The following ADAT2 variants were observed in gnomAD, a reference collection of about 807,000 sequenced individuals.
ADAT2 encodes the protein adenosine deaminase tRNA specific 2, also known as tRNA-specific adenosine-34 deaminase catalytic subunit ADAT2.
A neutral mutation model predicts 25.9 loss-of-function variants in ADAT2; 26 were observed. The ratio of observed to expected loss-of-function variants is 1.00; its 90% CI spans 0.74 to 1.39. ADAT2 has a LOEUF of 1.39. ADAT2 is among the 40% of genes most tolerant of loss of function. The pLI is 0.00. For missense variants in ADAT2, 220 were observed against 244.8 expected, an observed-to-expected ratio of 0.90 and a Z score of 0.68; for synonymous variants, 76 against 86.8, an observed-to-expected ratio of 0.88 and a Z score of 0.69.
rs991651012 is a variant in ADAT2, at chr6:143,422,847, T to C, written c.*5616A>G. On this transcript the variant is annotated 3_prime_UTR_variant, in exon 6 of 6. Coordinates refer to ENST00000237283, the MANE Select transcript of ADAT2 (RefSeq NM_182503.3). This position sits in a 1 kb window ranked among gnomAD's most constrained non-coding sequence, Gnocchi z 4.3. ...TTAAACATGATGATCATAAATAAAATGTATTATTTATTCTAAACCCAAATA... is the reference window on the plus strand; with the variant it reads ...TTAAACATGATGATCATAAATAAAACGTATTATTTATTCTAAACCCAAATA... The C allele has an allele frequency of 3.3e-5, 5 of 152,228 alleles. No individual in the cohort carries two copies. Among genetic ancestry groups the C allele is most frequent in the South Asian group, 4.1e-4 (2 of 4,832 alleles). The allele number at this position is 152,228 out of a possible 1,614,324, so 9.4% of individuals were successfully genotyped here.
At chr6:143,435,344 C>G (rs999760688) in intron 2 of ADAT2, among the ~76,000 whole-genome samples, 4 of 152,050 alleles carry the variant, frequency 2.6e-5, no homozygotes, top group African/African-American at 9.7e-5. Context: ...TCACATACAG[C>G]TGGGAGAGGA....
At chr6:143,430,717 C>A (rs568966512) in intron 4 of ADAT2, among the ~76,000 whole-genome samples, 1 of 152,220 alleles carries the variant, frequency 6.6e-6, no homozygotes, top group South Asian at 2.1e-4. Flanking sequence ...AGGCGCCCGC[C>A]ACCATGCCCG....
At chr6:143,450,487 T>C in intron 1 of ADAT2, 76 bp downstream of exon 1, 1 of 1,486,180 alleles carries the variant, frequency 6.7e-7, no homozygotes, top group Non-Finnish European at 9.3e-7. Flanking sequence ...GAAAGAACGT[T>C]TGCTCAAATG....
At position 143,437,790 on chromosome 6, in the gene ADAT2, G is replaced by A. The variant is rs561727137; in HGVS notation, c.201+800C>T. Among the ~76,000 whole-genome samples the A allele has an allele frequency of 1.1e-3, 163 of 152,304 alleles. 1 individual carries two copies. Among genetic ancestry groups the A allele is most frequent in the Middle Eastern group, 6.8e-3 (2 of 294 alleles). ...TCTGGCTCCCAAAATCATATGACAA[G>A]ATAAAAGTCTGTGTGAATGGCATTA... is the stretch of plus-strand genomic sequence containing the variant. On this transcript the variant is annotated intron_variant, in intron 2 of 5. Coordinates refer to ENST00000237283, the MANE Select transcript of ADAT2 (RefSeq NM_182503.3). The surrounding 1 kb of genome is among the most constrained non-coding windows in gnomAD (Gnocchi z 4.1).
In ADAT2 at chr6:143,447,359, A is replaced by G. The variant is rs184251114; in HGVS notation, c.96+3204T>C. ...TCAAAGCACATACATCCTTTGTCCC[A>G]TTTTAGGTAGTCACTCCATAGCAAC... On this transcript the variant is annotated intron_variant, in intron 1 of 5. Coordinates refer to ENST00000237283, the MANE Select transcript of ADAT2 (RefSeq NM_182503.3). Among the ~76,000 whole-genome samples the G allele has an allele frequency of 2.0e-5, 3 of 152,224 alleles. No homozygotes were observed. The East Asian group carries it at 5.8e-4, about 29-fold the overall frequency.
Position 143,446,149 on chromosome 6 carries a change from G to T in ADAT2, c.96+4414C>A, listed in dbSNP as rs9496637. On this transcript the variant is annotated intron_variant, in intron 1 of 5. Transcript: ENST00000237283. The surrounding 1 kb of genome is among the most constrained non-coding windows in gnomAD (Gnocchi z 5.0). ...TCCCTGTTATTCTGAAGCAACGGGG[G>T]TTTTTTCTGTTTTTTCCTATGCCCT... Among the ~76,000 whole-genome samples, 34,930 of 151,038 alleles carry T rather than the reference G, an allele frequency of 0.23. 4,608 individuals carry two copies. The highest frequency in any genetic ancestry group is 0.3 in the Middle Eastern group (89 of 292).
At chr6:143,445,139 A>T (rs9373391) in intron 1 of ADAT2, among the ~76,000 whole-genome samples, 1 of 151,064 alleles carries the variant, frequency 6.6e-6, no homozygotes, top group Non-Finnish European at 1.5e-5. Context: ...AACTTTGGGG[A>T]TTTAAAAAGT....
Position 143,444,483 on chromosome 6 carries a change from C to T in ADAT2, c.97-5789G>A, listed in dbSNP as rs937653245. On this transcript the variant is annotated intron_variant, in intron 1 of 5. Coordinates refer to ENST00000237283, the MANE Select transcript of ADAT2 (RefSeq NM_182503.3). This position sits in a 1 kb window ranked among gnomAD's most constrained non-coding sequence, Gnocchi z 4.3. Reference sequence around the variant, plus strand: ...ATTAAGCTGGAAATCAATTTCACCCCATACCCATATCATACTTTCAAACTC... The same window carrying T: ...ATTAAGCTGGAAATCAATTTCACCCTATACCCATATCATACTTTCAAACTC... 3.9e-5 allele frequency: 6 copies of T among 152,542 alleles called. No homozygotes were observed. Among genetic ancestry groups the T allele is most frequent in the African/African-American group, 1.4e-4 (6 of 41,424 alleles). 9.4% of individuals were successfully genotyped at this position (152,542 alleles called of 1,614,324 possible). A position where few individuals can be genotyped will look rare whatever the true frequency, so the allele number is the denominator to read the frequency against.
Position 143,436,877 on chromosome 6 carries a change from A to G in ADAT2, c.201+1713T>C, listed in dbSNP as rs539579356. On this transcript the variant is annotated intron_variant, in intron 2 of 5. Transcript: ENST00000237283. This position sits in a 1 kb window ranked among gnomAD's most constrained non-coding sequence, Gnocchi z 4.1. ...AAAATAAATAAATAAATAAAAATTA[A>G]AAGTATGACTTACATATATTCATGC... Among the ~76,000 whole-genome samples the G allele has an allele frequency of 3.0e-4, 46 of 152,324 alleles. No individual in the cohort carries two copies. In the South Asian group the frequency reaches 9.1e-3, roughly 30 times the overall value.
At position 143,437,307 on chromosome 6, in the gene ADAT2, T is replaced by C. The variant is rs1180885813; in HGVS notation, c.201+1283A>G. On this transcript the variant is annotated intron_variant, in intron 2 of 5. Coordinates refer to ENST00000237283, the MANE Select transcript of ADAT2 (RefSeq NM_182503.3). The surrounding 1 kb of genome is among the most constrained non-coding windows in gnomAD (Gnocchi z 4.1). ...ACTGTTCAAACATTAGATATCAGTA[T>C]TTTTAATCACTGATAATCTAATGTT... Among the ~76,000 whole-genome samples, 1 of 152,220 alleles carries C rather than the reference T, an allele frequency of 6.6e-6. No individual in the cohort carries two copies. The highest frequency in any genetic ancestry group is 2.4e-5 in the African/African-American group (1 of 41,452).
chr6:143,436,388 G>A lies in ADAT2; in HGVS notation c.201+2202C>T. On this transcript the variant is annotated intron_variant, in intron 2 of 5. Transcript: ENST00000237283. The surrounding 1 kb of genome is among the most constrained non-coding windows in gnomAD (Gnocchi z 4.1). ...CTTCATGTCCAAACCAAGAACAGCAGCTACTTTGCTGACTGGATCCCCTAC... is the reference window on the plus strand; with the variant it reads ...CTTCATGTCCAAACCAAGAACAGCAACTACTTTGCTGACTGGATCCCCTAC... The A allele has an allele frequency of 3.7e-6, 1 of 269,946 alleles. No individual in the cohort carries two copies. The highest frequency in any genetic ancestry group is 7.5e-6 in the Non-Finnish European group (1 of 132,460). 16.7% of individuals were successfully genotyped at this position (269,946 alleles called of 1,614,324 possible).
rs991603183 is a variant in ADAT2, at chr6:143,423,161, C to T, written c.*5302G>A. On this transcript the variant is annotated 3_prime_UTR_variant, in exon 6 of 6. Coordinates refer to ENST00000237283, the MANE Select transcript of ADAT2 (RefSeq NM_182503.3). ...GCTAACATTTTCTCGAAGGGCCAGA[C>T]GCTAAATATTTTAGGCCTTTGTGAG... is the stretch of plus-strand genomic sequence containing the variant. 2 of 152,304 alleles carry T rather than the reference C, an allele frequency of 1.3e-5. No homozygotes were observed. Among genetic ancestry groups the T allele is most frequent in the East Asian group, 1.9e-4 (1 of 5,188 alleles). 9.4% of individuals were successfully genotyped at this position (152,304 alleles called of 1,614,324 possible).
chr6:143,431,320 T>G (rs572879663), intron 4 of ADAT2, among the ~76,000 whole-genome samples: 1 of 152,312 alleles, frequency 6.6e-6, no homozygotes, highest in South Asian at 2.1e-4. Flanking sequence ...GAGAGAAATA[T>G]TCCACCCATG....
Position 143,444,971 on chromosome 6 carries a change from T to C in ADAT2, c.96+5592A>G, listed in dbSNP as rs913585214. ...GATGAGTCCTTAAAGAAATATTTCCTATAAAGACAAAAAATTAGGGGGAAC... is the reference window on the plus strand; with the variant it reads ...GATGAGTCCTTAAAGAAATATTTCCCATAAAGACAAAAAATTAGGGGGAAC... On this transcript the variant is annotated intron_variant, in intron 1 of 5. Transcript: ENST00000237283. This position sits in a 1 kb window ranked among gnomAD's most constrained non-coding sequence, Gnocchi z 4.3. The C allele has an allele frequency of 7.7e-7, 1 of 1,302,840 alleles. No individual in the cohort carries two copies. The allele number at this position is 1,302,840 out of a possible 1,614,324, so 80.7% of individuals were successfully genotyped here. A position where few individuals can be genotyped will look rare whatever the true frequency, so the allele number is the denominator to read the frequency against.
At chr6:143,438,528 A>C in intron 2 of ADAT2, 62 bp downstream of exon 2, 1 of 1,337,914 alleles carries the variant, frequency 7.5e-7, no homozygotes, top group East Asian at 2.3e-5. Context: ...AACTGTGGTA[A>C]ATTCTCTCCA....
rs1778974502 is a variant in ADAT2, at chr6:143,427,537, A to G, written c.*926T>C. 6.6e-6 allele frequency: 1 copy of G among 152,240 alleles called. No homozygotes were observed. Among genetic ancestry groups the G allele is most frequent in the African/African-American group, 2.4e-5 (1 of 41,472 alleles). The allele number at this position is 152,240 out of a possible 1,614,324, so 9.4% of individuals were successfully genotyped here. A position where few individuals can be genotyped will look rare whatever the true frequency, so the allele number is the denominator to read the frequency against. On this transcript the variant is annotated 3_prime_UTR_variant, in exon 6 of 6. Transcript: ENST00000237283. ...ATTTTACATTTTAGATTTTAAATTTATTATATGGATTATAAAAGAAATAAC... is the reference window on the plus strand; with the variant it reads ...ATTTTACATTTTAGATTTTAAATTTGTTATATGGATTATAAAAGAAATAAC...
At chr6:143,435,588 T>C (rs1434398223) in intron 2 of ADAT2, among the ~76,000 whole-genome samples, 1 of 152,188 alleles carries the variant, frequency 6.6e-6, no homozygotes, top group Non-Finnish European at 1.5e-5. Flanking sequence ...TAAGACATCA[T>C]ACACAAAATG....
rs1298919912 is a variant in ADAT2 at position 143,442,484 on chromosome 6, C to T, written c.97-3790G>A. ...AATTGCATAGGCACGCATACACACACACACACACACACACACACACACACA... is the reference window on the plus strand; with the variant it reads ...AATTGCATAGGCACGCATACACACATACACACACACACACACACACACACA... On this transcript the variant is annotated intron_variant, in intron 1 of 5. Coordinates refer to ENST00000237283, the MANE Select transcript of ADAT2 (RefSeq NM_182503.3). This position sits in a 1 kb window ranked among gnomAD's most constrained non-coding sequence, Gnocchi z 4.6. Among the ~76,000 whole-genome samples, 1 of 151,364 alleles carries T rather than the reference C, an allele frequency of 6.6e-6. No individual in the cohort carries two copies. The highest frequency in any genetic ancestry group is 1.9e-4 in the East Asian group (1 of 5,166).
At position 143,433,726 on chromosome 6, in the gene ADAT2, T is replaced by C. The variant is rs549044370; in HGVS notation, c.352+105A>G. The C allele has an allele frequency of 6.0e-5, 73 of 1,223,618 alleles. No individual in the cohort carries two copies. In the African/African-American group the frequency reaches 8.9e-4, roughly 15 times the overall value. 75.8% of individuals were successfully genotyped at this position (1,223,618 alleles called of 1,614,324 possible). ...AGACACACTATATTTTACAAGGTGT[T>C]TCCTAAGTCTGTGTTTTCATATTTT... On this transcript the variant is annotated intron_variant, in intron 3 of 5. Transcript: ENST00000237283.
Sources: gnomAD v4.1 joint callset for allele counts (sites outside exome capture counted in the v4.1 genomes callset) on GRCh38, gnomAD v4.1.1 for gene constraint, Gnocchi (gnomAD v3.1) non-coding constraint, MANE v1.5 for transcripts, NCBI Gene and HGNC (gene_info 2026-07-23, HGNC 2026-07-21) for gene names.